Variants in DPYD observed in about 807,000 individuals in gnomAD.
DPYD encodes dihydropyrimidine dehydrogenase.
In DPYD, 109 loss-of-function variants were observed where a neutral mutation model predicts 116.2. The ratio of observed to expected loss-of-function variants is 0.94; its 90% CI spans 0.80 to 1.10. The LOEUF is 1.10. DPYD is among the 50% of genes least tolerant of loss of function. The pLI, the probability that DPYD is intolerant of heterozygous loss-of-function variation, is 0.00. For synonymous variants in DPYD, 440 were observed against 432.0 expected (o/e 1.02, Z -0.23); for missense variants, 1,302 against 1,254.5 (o/e 1.04, Z -0.57).
At chr1:97,121,155 C>T (rs1222670858) in intron 20 of DPYD, among the ~76,000 whole-genome samples, 1 of 152,156 alleles carries the variant, frequency 6.6e-6, no homozygotes, top group Non-Finnish European at 1.5e-5. Context: ...GCACTAGTGC[C>T]ATGGTGGAGA....
At chr1:97,881,800 G>T (rs894212260) in intron 2 of DPYD, among the ~76,000 whole-genome samples, 2 of 151,580 alleles carry the variant, frequency 1.3e-5, no homozygotes, top group Admixed American at 6.6e-5. Flanking sequence ...AGAGATTTAG[G>T]CTTGATAGTC....
intron 16 of DPYD, among the ~76,000 whole-genome samples, chr1:97,332,867 T>C (rs1669087689): frequency 6.6e-6 from 1 of 152,166 alleles, no homozygotes; most frequent in South Asian, 2.1e-4. Context: ...AACATATTAA[T>C]ATGTAATTCT....
rs114558146 is a variant in DPYD at position 97,296,981 on chromosome 1, G to A, written c.2299+8278C>T. Among the ~76,000 whole-genome samples the A allele has an allele frequency of 6.9e-3, 1,054 of 151,752 alleles. 22 individuals carry two copies. Among genetic ancestry groups the A allele is most frequent in the African/African-American group, 0.024 (993 of 41,504 alleles). On this transcript the variant is annotated intron_variant, in intron 18 of 22. Transcript: ENST00000370192. ...TAAAGAATTCATATTTGCAAAACATGGGGGATTATGTCTTTTGCTAGCACT... is the reference window on the plus strand; with the variant it reads ...TAAAGAATTCATATTTGCAAAACATAGGGGATTATGTCTTTTGCTAGCACT...
chr1:97,665,799 G>C (rs932535750), intron 8 of DPYD, among the ~76,000 whole-genome samples: 1 of 152,136 alleles, frequency 6.6e-6, no homozygotes, highest in Non-Finnish European at 1.5e-5. Context: ...TGCATAAAAA[G>C]TTAAGGACAT....
Position 97,306,252 on chromosome 1 carries a change from C to T in DPYD, c.2104G>A (p.Val702Ile). The change falls in exon 17 of 23, where the codon GTT becomes ATT. Residue 702 changes from valine to isoleucine, a missense_variant. Coordinates refer to ENST00000370192, the MANE Select transcript of DPYD (RefSeq NM_000110.4). ...AGCTTGGCAAAAAAAGGAATCTGAA[C>T]AGCTTGCCTAACCCAGCGGCAGATG... ...RNICRWVRQA[V>I]QIPFFAKLTP... 1 of 1,612,490 alleles carries T rather than the reference C, an allele frequency of 6.2e-7. No individual in the cohort carries two copies. Among genetic ancestry groups the T allele is most frequent in the East Asian group, 2.2e-5 (1 of 44,804 alleles).
chr1:97,157,923 A>G (rs1252620434), intron 20 of DPYD, among the ~76,000 whole-genome samples: 1 of 152,162 alleles, frequency 6.6e-6, no homozygotes, highest in Non-Finnish European at 1.5e-5. Flanking sequence ...GATTCTTTAC[A>G]ATGAGCAATG....
intron 3 of DPYD, among the ~76,000 whole-genome samples, chr1:97,822,941 T>G (rs538948055): frequency 1.3e-5 from 2 of 152,202 alleles, no homozygotes; most frequent in African/African-American, 2.4e-5. Flanking sequence ...TATGGCAATA[T>G]AGTACATTGA....
At position 97,225,439 on chromosome 1, in the gene DPYD, G is replaced by A. The variant is rs143146566; in HGVS notation, c.2442+9413C>T. Among the ~76,000 whole-genome samples the A allele has an allele frequency of 2.9e-3, 441 of 151,706 alleles. 1 individual carries two copies. Among genetic ancestry groups the A allele is most frequent in the South Asian group, 8.1e-3 (39 of 4,810 alleles). ...GTTCTTTACTCAAAGATATTTACTC[G>A]GGTTCTTTATTCAAAGAATATTAAC... On this transcript the variant is annotated intron_variant, in intron 19 of 22. Coordinates refer to ENST00000370192, the MANE Select transcript of DPYD (RefSeq NM_000110.4).
chr1:97,190,613 A>G (rs1414704148), intron 20 of DPYD, among the ~76,000 whole-genome samples: 3 of 152,166 alleles, frequency 2.0e-5, no homozygotes, highest in African/African-American at 4.8e-5. Flanking sequence ...TAAGTGTACT[A>G]ACACCCAACT....
chr1:97,291,756 G>A (rs1351890294), intron 18 of DPYD, among the ~76,000 whole-genome samples: 1 of 151,996 alleles, frequency 6.6e-6, no homozygotes, highest in Non-Finnish European at 1.5e-5. Context: ...GTTAATGGGT[G>A]CAGCACACCA....
At chr1:97,331,080 G>A (rs939245569) in intron 16 of DPYD, among the ~76,000 whole-genome samples, 2 of 152,128 alleles carry the variant, frequency 1.3e-5, no homozygotes, top group African/African-American at 4.8e-5. Context: ...CACAGTAAGA[G>A]GAAACTGAGA....
intron 2 of DPYD, among the ~76,000 whole-genome samples, chr1:97,857,619 C>G (rs1670910161): frequency 1.3e-5 from 2 of 152,186 alleles, no homozygotes; most frequent in South Asian, 4.1e-4. Context: ...GGAAGCTCCA[C>G]ACCCCTTCTT....
At chr1:97,627,408 C>T (rs941306541) in intron 8 of DPYD, among the ~76,000 whole-genome samples, 1 of 152,016 alleles carries the variant, frequency 6.6e-6, no homozygotes, top group African/African-American at 2.4e-5. Context: ...ACTGATGCTA[C>T]CGCCTAATCC....
chr1:97,263,009 A>G (rs960885368), intron 18 of DPYD, among the ~76,000 whole-genome samples: 9 of 152,126 alleles, frequency 5.9e-5, no homozygotes, highest in African/African-American at 2.2e-4. Context: ...TATAGTGTCA[A>G]TGCAAGACTT....
At chr1:97,512,477 A>C (rs1294285634) in intron 13 of DPYD, among the ~76,000 whole-genome samples, 3 of 151,870 alleles carry the variant, frequency 2.0e-5, no homozygotes, top group Admixed American at 6.6e-5. Flanking sequence ...TTCTTAGTTT[A>C]TTTATCTGTG....
intron 7 of DPYD, among the ~76,000 whole-genome samples, chr1:97,685,658 C>T (rs111849677): frequency 0.012 from 1,878 of 152,144 alleles, 37 homozygotes; most frequent in African/African-American, 0.042. Context: ...ACAAAGTCAG[C>T]GTGCAAAAAC....
chr1:97,779,979 A>C (rs372916795), intron 3 of DPYD, among the ~76,000 whole-genome samples: 1 of 152,320 alleles, frequency 6.6e-6, no homozygotes, highest in East Asian at 1.9e-4. Context: ...TTGGGTGCCT[A>C]ATATATAATG....
chr1:97,088,020 T>G (rs2101572103), intron 21 of DPYD, among the ~76,000 whole-genome samples: 1 of 152,312 alleles, frequency 6.6e-6, no homozygotes, highest in Middle Eastern at 3.4e-3. Context: ...TTTTATTTCA[T>G]CATTGGTAAT....
At chr1:97,498,593 T>C (rs1255711226) in intron 13 of DPYD, among the ~76,000 whole-genome samples, 1 of 151,602 alleles carries the variant, frequency 6.6e-6, no homozygotes, top group Non-Finnish European at 1.5e-5. Context: ...ATATACAGAA[T>C]TCACTCTTGT....
Sources: allele counts gnomAD v4.1 joint callset (sites outside exome capture counted in the v4.1 genomes callset), GRCh38; gene constraint gnomAD v4.1.1; transcripts MANE v1.5; gene names NCBI Gene and HGNC (gene_info 2026-07-23, HGNC 2026-07-21).